SHMT1: variants seen among roughly 807,000 people sequenced by gnomAD.
SHMT1 encodes the protein serine hydroxymethyltransferase, cytosolic.
In SHMT1, 45 loss-of-function variants were observed where a neutral mutation model predicts 49.0. That is an observed-to-expected ratio of 0.92 (90% CI 0.72 to 1.18). The LOEUF is 1.18. Among genes scored for constraint, SHMT1 ranks in the 50% most tolerant of loss-of-function variants. SHMT1 has a pLI of 0.00. For missense variants in SHMT1, 541 were observed against 612.4 expected (o/e 0.88, Z 1.23); for synonymous variants, 232 against 246.6 (o/e 0.94, Z 0.55).
rs1982777541 is a variant in SHMT1 at position 18,328,265 on chromosome 17, ACAG to A, written c.*482_*484del. On this transcript the variant is annotated 3_prime_UTR_variant, in exon 12 of 12. Coordinates refer to ENST00000316694, the MANE Select transcript of SHMT1 (RefSeq NM_004169.5). ...CTTGACTAACATACACTTCTGATTTACAGCAGAAGCCTCAGAAGCTAATTCAGT... is the reference window on the plus strand; with the variant it reads ...CTTGACTAACATACACTTCTGATTTACAGAAGCCTCAGAAGCTAATTCAGT... 2 of 190,906 alleles carry A rather than the reference ACAG, an allele frequency of 1.0e-5. No homozygotes were observed. The highest frequency in any genetic ancestry group is 4.7e-5 in the African/African-American group (2 of 42,260). The allele number at this position is 190,906 out of a possible 1,614,324, so 11.8% of individuals were successfully genotyped here.
intron 5 of SHMT1, among the ~76,000 whole-genome samples, chr17:18,342,436 C>T (rs1308411913): frequency 6.6e-6 from 1 of 152,046 alleles, no homozygotes; most frequent in East Asian, 1.9e-4. Context: ...CCCACTCAGC[C>T]TGCTGAATAG....
rs1204517459 is a variant in SHMT1, at chr17:18,335,572, G to A, written c.918C>T (p.Asn306=). The change falls in exon 8 of 12, where the codon AAC becomes AAT. Residue 306 remains asparagine, a synonymous_variant. Transcript: ENST00000316694. ...VFPGLQGGPH[N]HAIAGVAVAL... ...ATGATGTTTTACCAGCAATGGCGTG[G>A]TTGTGGGGACCTCCCTGCAGGCCAG... is the stretch of plus-strand genomic sequence containing the variant. 2.5e-6 allele frequency: 4 copies of A among 1,611,134 alleles called. No homozygotes were observed. Among genetic ancestry groups the A allele is most frequent in the African/African-American group, 1.3e-5 (1 of 74,876 alleles).
rs956431039 is a variant in SHMT1, at chr17:18,340,429, C to G, written c.602-174G>C. On this transcript the variant is annotated intron_variant, in intron 6 of 11. Coordinates refer to ENST00000316694, the MANE Select transcript of SHMT1 (RefSeq NM_004169.5). The surrounding 1 kb of genome is among the most constrained non-coding windows in gnomAD (Gnocchi z 4.5). ...AGCACCTCTGTGCTAAAGGCAACCA[C>G]TCTAACTCTTCAACGTCTTGGTGGT... is the stretch of plus-strand genomic sequence containing the variant. 4.2e-5 allele frequency: 31 copies of G among 739,292 alleles called. No homozygotes were observed. Among genetic ancestry groups the G allele is most frequent in the Non-Finnish European group, 6.7e-5 (29 of 430,314 alleles). The allele number at this position is 739,292 out of a possible 1,614,324, so 45.8% of individuals were successfully genotyped here.
At chr17:18,345,300 T>C (rs916785228) in intron 5 of SHMT1, among the ~76,000 whole-genome samples, 2 of 152,136 alleles carry the variant, frequency 1.3e-5, no homozygotes, top group Non-Finnish European at 2.9e-5. Flanking sequence ...CTCTGTCACC[T>C]AGGCTGGAGT....
At chr17:18,337,122 A>C (rs1303227320) in intron 7 of SHMT1, among the ~76,000 whole-genome samples, 1 of 152,146 alleles carries the variant, frequency 6.6e-6, no homozygotes, top group African/African-American at 2.4e-5. Flanking sequence ...TGCTCTAATC[A>C]CTTTACATAA....
At position 18,328,279 on chromosome 17, in the gene SHMT1, A is replaced by G. The variant is rs1982778898; in HGVS notation, c.*471T>C. 2 of 195,834 alleles carry G rather than the reference A, an allele frequency of 1.0e-5. No individual in the cohort carries two copies. Among genetic ancestry groups the G allele is most frequent in the Non-Finnish European group, 2.2e-5 (2 of 92,866 alleles). The allele number at this position is 195,834 out of a possible 1,614,324, so 12.1% of individuals were successfully genotyped here. On this transcript the variant is annotated 3_prime_UTR_variant, in exon 12 of 12. Coordinates refer to ENST00000316694, the MANE Select transcript of SHMT1 (RefSeq NM_004169.5). ...ACTTCTGATTTACAGCAGAAGCCTC[A>G]GAAGCTAATTCAGTTCTCCTTTGGC...
At chr17:18,355,033 AG>A (rs1986092092) in intron 2 of SHMT1, among the ~76,000 whole-genome samples, 1 of 112,470 alleles carries the variant, frequency 8.9e-6, no homozygotes, top group Non-Finnish European at 1.7e-5. Flanking sequence ...CCTGAGCAAC[AG>A]AGCAAGACTA....
At chr17:18,361,734 C>T (rs1176752207) in intron 1 of SHMT1, among the ~76,000 whole-genome samples, 2 of 151,008 alleles carry the variant, frequency 1.3e-5, no homozygotes, top group East Asian at 1.9e-4. Context: ...TGCAGTGAGC[C>T]GAGATCGCGC....
chr17:18,336,809 G>T (rs928085136), intron 7 of SHMT1, among the ~76,000 whole-genome samples: 1 of 152,152 alleles, frequency 6.6e-6, no homozygotes, highest in Admixed American at 6.5e-5. Context: ...AGCCAGGCAT[G>T]GTGGCGCATA....
intron 5 of SHMT1, among the ~76,000 whole-genome samples, chr17:18,345,849 T>C (rs1039774277): frequency 1.3e-5 from 2 of 149,722 alleles, no homozygotes; most frequent in Non-Finnish European, 3.0e-5. Context: ...CCTGAGGAAT[T>C]TTTTGTATTT....
In SHMT1 at chr17:18,340,358, T is replaced by G. The variant is rs1000890053; in HGVS notation, c.602-103A>C. The G allele has an allele frequency of 4.8e-6, 6 of 1,260,940 alleles. No homozygotes were observed. The highest frequency in any genetic ancestry group is 6.8e-6 in the Non-Finnish European group (6 of 880,182). 78.1% of individuals were successfully genotyped at this position (1,260,940 alleles called of 1,614,324 possible). A position where few individuals can be genotyped will look rare whatever the true frequency, so the allele number is the denominator to read the frequency against. ...TGTGCAGATCTGAAAGCCCAGAGAT[T>G]TCTTCCCTTAAAGTCTCAGAGCAAA... On this transcript the variant is annotated intron_variant, in intron 6 of 11. Coordinates refer to ENST00000316694, the MANE Select transcript of SHMT1 (RefSeq NM_004169.5). The surrounding 1 kb of genome is among the most constrained non-coding windows in gnomAD (Gnocchi z 4.5).
chr17:18,362,301 T>C (rs963658278), intron 1 of SHMT1, among the ~76,000 whole-genome samples: 1 of 152,180 alleles, frequency 6.6e-6, no homozygotes, highest in Non-Finnish European at 1.5e-5. Flanking sequence ...TTATTTCTTT[T>C]CTTTTTTTTC....
chr17:18,359,789 T>C (rs971778802), intron 1 of SHMT1, among the ~76,000 whole-genome samples: 1 of 144,600 alleles, frequency 6.9e-6, no homozygotes, highest in Non-Finnish European at 1.5e-5. Context: ...CCACTAAAAA[T>C]ACTAAAATTA....
chr17:18,329,021 AGTGTGGCAGG>A, intron 11 of SHMT1, 102 bp from the exon 12 acceptor site: 1 of 1,448,768 alleles, frequency 6.9e-7, no homozygotes, highest in Non-Finnish European at 9.6e-7. Context: ...CCAGCTGGGG[AGTGTGGCAGG>A]GCACAAGGTC....
At chr17:18,351,425 C>T (rs1283070114) in intron 3 of SHMT1, among the ~76,000 whole-genome samples, 3 of 151,562 alleles carry the variant, frequency 2.0e-5, no homozygotes, top group Non-Finnish European at 4.4e-5. Context: ...GAATTACAGG[C>T]ATGAGCCACC....
intron 7 of SHMT1, among the ~76,000 whole-genome samples, chr17:18,336,574 G>A (rs1381177997): frequency 6.6e-6 from 1 of 151,164 alleles, no homozygotes; most frequent in Non-Finnish European, 1.5e-5. Flanking sequence ...GCTGAAGCAG[G>A]AGAATGCGTT....
intron 1 of SHMT1, among the ~76,000 whole-genome samples, chr17:18,361,955 G>A (rs1431569801): frequency 3.9e-5 from 6 of 152,208 alleles, no homozygotes; most frequent in East Asian, 1.9e-4. Context: ...TCAACGTCAG[G>A]GAAAAAGACC....
chr17:18,358,673 A>C (rs956860001), intron 1 of SHMT1, among the ~76,000 whole-genome samples: 5 of 149,590 alleles, frequency 3.3e-5, no homozygotes, highest in Admixed American at 1.3e-4. Flanking sequence ...AGGCTGAGGC[A>C]GGAGGATCAC....
At chr17:18,338,256 C>T (rs1307244546) in intron 7 of SHMT1, among the ~76,000 whole-genome samples, 11 of 150,624 alleles carry the variant, frequency 7.3e-5, no homozygotes, top group Admixed American at 2.0e-4. Context: ...GGTCTCTGCC[C>T]GGCTGCCCCA....
Sources: allele counts gnomAD v4.1 joint callset (sites outside exome capture counted in the v4.1 genomes callset), GRCh38; gene constraint gnomAD v4.1.1; non-coding constraint Gnocchi (gnomAD v3.1); transcripts MANE v1.5; gene names NCBI Gene and HGNC (gene_info 2026-07-23, HGNC 2026-07-21).